Variants in IFT43 observed in about 807,000 individuals in gnomAD.
IFT43 encodes intraflagellar transport 43.
A neutral mutation model predicts 32.3 loss-of-function variants in IFT43; 33 were observed. That is an observed-to-expected ratio of 1.02 (90% CI 0.77 to 1.37). The LOEUF (loss-of-function observed/expected upper bound fraction) is 1.37. Among genes scored for constraint, IFT43 ranks in the 40% most tolerant of loss-of-function variants. The pLI is 0.00. For synonymous variants in IFT43, 93 were observed against 98.2 expected (o/e 0.95, Z 0.31); for missense variants, 274 against 265.9 (o/e 1.03, Z -0.21).
At position 76,049,799 on chromosome 14, in the gene IFT43, TGAG is replaced by T. The variant is rs763107180; in HGVS notation, c.216-8841_216-8839del. Among the ~76,000 whole-genome samples the T allele has an allele frequency of 4.4e-3, 677 of 152,218 alleles. 1 individual carries two copies. The highest frequency in any genetic ancestry group is 7.0e-3 in the Non-Finnish European group (473 of 68,014). ...GGTAAGTTGCAAAATATTAGATCATTGAGGTCTCTATATGTGGGCATAAGTAAC... is the reference window on the plus strand; with the variant it reads ...GGTAAGTTGCAAAATATTAGATCATTGTCTCTATATGTGGGCATAAGTAAC... On this transcript the variant is annotated intron_variant, in intron 3 of 8. Transcript: ENST00000314067.
At chr14:76,027,919 C>A (rs2036434755) in intron 3 of IFT43, among the ~76,000 whole-genome samples, 1 of 152,004 alleles carries the variant, frequency 6.6e-6, no homozygotes, top group African/African-American at 2.4e-5. Flanking sequence ...TTTAGTCTCT[C>A]TTGATGTAAA....
chr14:76,022,426 G>T (rs778227181), intron 3 of IFT43, 32 bp downstream of exon 3: 2 of 1,307,842 alleles, frequency 1.5e-6, no homozygotes, highest in Non-Finnish European at 1.1e-6. Flanking sequence ...GAGTATGGGT[G>T]GGGGTGCACA....
At chr14:76,055,829 A>G (rs867096013) in intron 3 of IFT43, among the ~76,000 whole-genome samples, 1 of 152,162 alleles carries the variant, frequency 6.6e-6, no homozygotes, top group Non-Finnish European at 1.5e-5. Flanking sequence ...TTGCCTCCTC[A>G]TATTTGATAG....
chr14:75,998,903 A>G (rs2139887198), intron 2 of IFT43, among the ~76,000 whole-genome samples: 1 of 152,118 alleles, frequency 6.6e-6, no homozygotes, highest in Non-Finnish European at 1.5e-5. Flanking sequence ...AAGCTAATTT[A>G]TTTTTATTTT....
intron 1 of IFT43, among the ~76,000 whole-genome samples, chr14:75,987,212 G>A (rs1187952212): frequency 6.6e-6 from 1 of 152,210 alleles, no homozygotes; most frequent in Non-Finnish European, 1.5e-5. Flanking sequence ...GTAGGATGCT[G>A]TATTCAGATA....
intron 2 of IFT43, among the ~76,000 whole-genome samples, chr14:75,994,695 T>C (rs904160715): frequency 5.3e-5 from 8 of 152,224 alleles, no homozygotes; most frequent in African/African-American, 9.7e-5. Flanking sequence ...GTTGGAATTA[T>C]AGGTATTGAG....
intron 2 of IFT43, among the ~76,000 whole-genome samples, chr14:76,011,776 G>A (rs1445813981): frequency 1.3e-5 from 2 of 152,162 alleles, no homozygotes; most frequent in Admixed American, 1.3e-4. Context: ...ATCTACTATG[G>A]AGAAACTCAG....
intron 2 of IFT43, among the ~76,000 whole-genome samples, chr14:76,004,736 C>T (rs990085544): frequency 2.0e-5 from 3 of 151,904 alleles, no homozygotes; most frequent in African/African-American, 7.2e-5. Flanking sequence ...AATTTTTTTT[C>T]CTATCTTTTG....
chr14:76,011,497 A>G (rs926789680), intron 2 of IFT43, among the ~76,000 whole-genome samples: 1 of 152,182 alleles, frequency 6.6e-6, no homozygotes, highest in African/African-American at 2.4e-5. Flanking sequence ...TAGGATAGTG[A>G]TAGATATCTC....
At chr14:76,013,588 G>C (rs945799070) in intron 2 of IFT43, 7 of 178,008 alleles carry the variant, frequency 3.9e-5, no homozygotes, top group African/African-American at 1.4e-4. Flanking sequence ...GAGCAGCCAA[G>C]TATTCAGGGA....
At chr14:76,075,376 T>C (rs544699384) in intron 5 of IFT43, among the ~76,000 whole-genome samples, 54 of 152,024 alleles carry the variant, frequency 3.6e-4, no homozygotes, top group African/African-American at 1.3e-3. Flanking sequence ...ATTCGAGGAG[T>C]GCAGGGGACC....
intron 3 of IFT43, among the ~76,000 whole-genome samples, chr14:76,051,896 C>G (rs2036920502): frequency 6.6e-6 from 1 of 152,178 alleles, no homozygotes; most frequent in Admixed American, 6.5e-5. Flanking sequence ...CTTCCTATGG[C>G]TTTGGCGTTT....
chr14:76,044,772 C>T (rs993466186), intron 3 of IFT43, among the ~76,000 whole-genome samples: 5 of 152,134 alleles, frequency 3.3e-5, no homozygotes, highest in African/African-American at 9.7e-5. Flanking sequence ...TACAGTTGGC[C>T]TTTAGAACTG....
chr14:76,052,592 C>G (rs1261743174), intron 3 of IFT43, among the ~76,000 whole-genome samples: 1 of 152,204 alleles, frequency 6.6e-6, no homozygotes, highest in East Asian at 1.9e-4. Flanking sequence ...TCCCATGTGG[C>G]TGAAGTCACA....
intron 5 of IFT43, chr14:76,059,714 G>A (rs1392316646): frequency 5.3e-6 from 2 of 374,056 alleles, no homozygotes; most frequent in Non-Finnish European, 1.0e-5. Flanking sequence ...GTAATAACAT[G>A]GCCAATATTT....
In IFT43 at chr14:75,985,818, T is replaced by A; in HGVS notation, c.32T>A (p.Leu11His). Reference protein sequence around the residue: MEDLLDLDEELRYSLATSRAK... With the variant: MEDLLDLDEEHRYSLATSRAK... ...GATTTGCTCGACTTGGACGAGGAGCTTCGCTACAGCTTGGCTACCTCCGTG... is the reference window on the plus strand; with the variant it reads ...GATTTGCTCGACTTGGACGAGGAGCATCGCTACAGCTTGGCTACCTCCGTG... Residue 11 changes from leucine (L) to histidine (H), a missense_variant, in exon 1 of 9, where the codon CTT becomes CAT. Leu to His is a moderately conservative substitution (Grantham distance 99, BLOSUM62 -3). Coordinates refer to ENST00000314067, the MANE Select transcript of IFT43 (RefSeq NM_001102564.3). 1 of 1,614,156 alleles carries A rather than the reference T, an allele frequency of 6.2e-7. No individual in the cohort carries two copies.
At chr14:76,009,932 C>T (rs1054164962) in intron 2 of IFT43, among the ~76,000 whole-genome samples, 1 of 152,042 alleles carries the variant, frequency 6.6e-6, no homozygotes, top group Non-Finnish European at 1.5e-5. Flanking sequence ...GTAGCTGGGA[C>T]TACAGGTACA....
At chr14:76,023,717 T>C (rs974556014) in intron 3 of IFT43, among the ~76,000 whole-genome samples, 2 of 152,198 alleles carry the variant, frequency 1.3e-5, no homozygotes, top group African/African-American at 4.8e-5. Flanking sequence ...GGGATCTTTA[T>C]GGTGCCATAA....
intron 5 of IFT43, among the ~76,000 whole-genome samples, chr14:76,080,459 TGGG>T (rs1453106587): frequency 6.6e-6 from 1 of 152,150 alleles, no homozygotes; most frequent in East Asian, 1.9e-4. Flanking sequence ...CCCAAGACGC[TGGG>T]CAGAGTTGAC....
Sources: gnomAD v4.1 joint callset for allele counts (sites outside exome capture counted in the v4.1 genomes callset) on GRCh38, gnomAD v4.1.1 for gene constraint, MANE v1.5 for transcripts, NCBI Gene and HGNC (gene_info 2026-07-23, HGNC 2026-07-21) for gene names.